IQCH: variants seen among roughly 807,000 people sequenced by gnomAD.
The protein encoded by IQCH is IQ motif containing H, also known as IQ domain-containing protein H.
Under a neutral mutation model 117.0 loss-of-function variants are expected in IQCH, and 98 were observed. The ratio of observed to expected loss-of-function variants is 0.84; its 90% CI spans 0.71 to 0.99. The LOEUF is 0.99. Ranked by LOEUF, IQCH falls within the 50% of genes least tolerant of loss-of-function variation. The pLI, the probability that IQCH is intolerant of heterozygous loss-of-function variation, is 0.00. For synonymous variants in IQCH, 412 were observed against 448.2 expected (o/e 0.92, Z 1.02); for missense variants, 1,102 against 1,243.8 (o/e 0.89, Z 1.72).
At chr15:67,336,541 T>A (rs1258706673) in intron 4 of IQCH, among the ~76,000 whole-genome samples, 2 of 152,200 alleles carry the variant, frequency 1.3e-5, no homozygotes, top group Non-Finnish European at 2.9e-5. Flanking sequence ...TAATATTGAT[T>A]GACATGTTTA....
At chr15:67,306,764 G>A (rs1414313794) in intron 4 of IQCH, 12 of 1,140,340 alleles carry the variant, frequency 1.1e-5, no homozygotes, top group Non-Finnish European at 1.4e-5. Flanking sequence ...ACTCACTGGT[G>A]ATTTTTTCAA....
intron 3 of IQCH, among the ~76,000 whole-genome samples, chr15:67,278,136 C>A (rs1321181169): frequency 2.0e-5 from 3 of 152,232 alleles, no homozygotes; most frequent in African/African-American, 7.2e-5. Context: ...AATTGCCCTT[C>A]TCCAGCTCAG....
In IQCH at chr15:67,340,453, A is replaced by C. The variant is rs902227168; in HGVS notation, c.508+3358A>C. 2.8e-3 allele frequency among the ~76,000 whole-genome samples: 362 copies of C among 130,534 alleles called. 7 individuals are homozygous for C. The highest frequency in any genetic ancestry group is 0.018 in the East Asian group (58 of 3,294). 85.6% of individuals were successfully genotyped at this position (130,534 alleles called of 152,430 possible). A position where few individuals can be genotyped will look rare whatever the true frequency, so the allele number is the denominator to read the frequency against. On this transcript the variant is annotated intron_variant, in intron 5 of 20. Coordinates refer to ENST00000335894, the MANE Select transcript of IQCH (RefSeq NM_001031715.3). ...AAAAAAAAAAAAAAAAAAAAAAAAA[A>C]AAAAAAAAAAACAGTAACTTGTCAT...
intron 4 of IQCH, among the ~76,000 whole-genome samples, chr15:67,292,373 T>C (rs1966780438): frequency 6.6e-6 from 1 of 152,146 alleles, no homozygotes; most frequent in Admixed American, 6.6e-5. Context: ...TGCCTCAGCC[T>C]CCCGAGTAGC....
intron 6 of IQCH, among the ~76,000 whole-genome samples, chr15:67,346,329 A>T (rs1969389059): frequency 6.6e-6 from 1 of 151,862 alleles, no homozygotes; most frequent in Non-Finnish European, 1.5e-5. Flanking sequence ...CCAAAAAAAT[A>T]CTATAGAACA....
At chr15:67,322,619 C>G (rs1289608654) in intron 4 of IQCH, among the ~76,000 whole-genome samples, 1 of 152,176 alleles carries the variant, frequency 6.6e-6, no homozygotes, top group Non-Finnish European at 1.5e-5. Flanking sequence ...GTGCCCTGCC[C>G]ACTCAGCCCG....
intron 3 of IQCH, among the ~76,000 whole-genome samples, chr15:67,272,848 C>G (rs1447873898): frequency 6.6e-6 from 1 of 152,062 alleles, no homozygotes; most frequent in Non-Finnish European, 1.5e-5. Flanking sequence ...ATAGTTGGGT[C>G]TTGTTTCTTT....
chr15:67,355,036 G>T (rs1969830189), intron 6 of IQCH, among the ~76,000 whole-genome samples: 1 of 152,080 alleles, frequency 6.6e-6, no homozygotes, highest in African/African-American at 2.4e-5. Flanking sequence ...CCAGGGATAG[G>T]GTTAGAGCTA....
intron 1 of IQCH, 87 bp downstream of exon 1, chr15:67,255,034 C>G: frequency 2.3e-6 from 3 of 1,295,478 alleles, no homozygotes; most frequent in Non-Finnish European, 3.3e-6. Context: ...CGACGCTCAC[C>G]CATTTGGTGC....
chr15:67,347,789 AGT>A (rs1353614783), intron 6 of IQCH, among the ~76,000 whole-genome samples: 14 of 148,298 alleles, frequency 9.4e-5, no homozygotes, highest in Non-Finnish European at 4.5e-5. Context: ...AATTGAATCT[AGT>A]GCTCTGTCTA....
At chr15:67,263,353 A>G (rs1965537053) in intron 3 of IQCH, 137 bp downstream of exon 3, 1 of 600,752 alleles carries the variant, frequency 1.7e-6, no homozygotes, top group Non-Finnish European at 2.9e-6. Context: ...TCTAGTAGAG[A>G]TTTTGCATAA....
At chr15:67,374,394 C>T (rs1970668563) in intron 10 of IQCH, among the ~76,000 whole-genome samples, 1 of 152,154 alleles carries the variant, frequency 6.6e-6, no homozygotes, top group South Asian at 2.1e-4. Context: ...TGCTGGATTG[C>T]AGTTTATTCA....
chr15:67,462,061 C>T (rs2141015373), intron 16 of IQCH, among the ~76,000 whole-genome samples: 1 of 151,912 alleles, frequency 6.6e-6, no homozygotes, highest in Non-Finnish European at 1.5e-5. Context: ...AACTCCTGGC[C>T]TCAAGTGGCT....
chr15:67,264,911 G>T (rs1965609491), intron 3 of IQCH, among the ~76,000 whole-genome samples: 1 of 150,458 alleles, frequency 6.6e-6, no homozygotes, highest in Admixed American at 6.7e-5. Flanking sequence ...ATATATACAA[G>T]AGAGCCTACC....
At chr15:67,337,208 G>A in intron 5 of IQCH, 113 bp downstream of exon 5, 1 of 1,229,132 alleles carries the variant, frequency 8.1e-7, no homozygotes, top group South Asian at 1.4e-5. Flanking sequence ...CTCCTGGGTG[G>A]CCTCAGACAA....
chr15:67,358,202 CTTTTCTTTTTTTTT>C (rs1969987030), intron 7 of IQCH, among the ~76,000 whole-genome samples: 1 of 5,974 alleles, frequency 1.7e-4, no homozygotes, highest in Non-Finnish European at 3.4e-4. Context: ...GAGGCACTTT[CTTTTCTTTTTTTTT>C]TTTTTTGAGA....
In IQCH at chr15:67,472,147, C is replaced by T. The variant is rs1325967381; in HGVS notation, c.2677-3549C>T. On this transcript the variant is annotated intron_variant, in intron 17 of 20. Transcript: ENST00000335894. The surrounding 1 kb of genome is among the most constrained non-coding windows in gnomAD (Gnocchi z 4.3). ...GACAGGGAACACTTTAATGAAAACA[C>T]AGAACTTTATCCTGCCTTAAAGACT... Among the ~76,000 whole-genome samples, 1 of 152,152 alleles carries T rather than the reference C, an allele frequency of 6.6e-6. No homozygotes were observed. Among genetic ancestry groups the T allele is most frequent in the East Asian group, 1.9e-4 (1 of 5,194 alleles).
intron 4 of IQCH, among the ~76,000 whole-genome samples, chr15:67,311,724 C>T (rs912266048): frequency 6.6e-6 from 1 of 151,950 alleles, no homozygotes; most frequent in Non-Finnish European, 1.5e-5. Context: ...TTTGCATTTA[C>T]TTATTTATCA....
At chr15:67,257,417 G>C (rs960895964) in intron 1 of IQCH, among the ~76,000 whole-genome samples, 2 of 152,230 alleles carry the variant, frequency 1.3e-5, no homozygotes, top group African/African-American at 4.8e-5. Context: ...TTACGTCTGT[G>C]TATCAGTCAG....
Sources: allele counts gnomAD v4.1 joint callset (sites outside exome capture counted in the v4.1 genomes callset), GRCh38; gene constraint gnomAD v4.1.1; non-coding constraint Gnocchi (gnomAD v3.1); transcripts MANE v1.5; gene names NCBI Gene and HGNC (gene_info 2026-07-23, HGNC 2026-07-21).